FAM222A: variants seen among roughly 807,000 people sequenced by gnomAD.
The protein encoded by FAM222A is protein FAM222A.
A neutral mutation model predicts 25.8 loss-of-function variants in FAM222A; 7 were observed. The ratio of observed to expected loss-of-function variants is 0.27; its 90% CI spans 0.15 to 0.51. The LOEUF (loss-of-function observed/expected upper bound fraction) is 0.51, where lower values mean the gene tolerates loss of function less well. FAM222A is among the 20% of genes least tolerant of loss of function. FAM222A has a pLI of 0.97. For synonymous variants in FAM222A, 294 were observed against 298.8 expected (o/e 0.98, Z 0.17); for missense variants, 573 against 640.5 (o/e 0.89, Z 1.14).
intron 2 of FAM222A, chr12:109,744,570 G>A (rs1888340410): frequency 1.0e-6 from 1 of 985,280 alleles, no homozygotes; most frequent in Non-Finnish European, 1.2e-6. Flanking sequence ...AAAGTAGGAT[G>A]ACGTGGAAGC....
chr12:109,759,767 C>G (rs1888838562), intron 2 of FAM222A, among the ~76,000 whole-genome samples: 1 of 152,190 alleles, frequency 6.6e-6, no homozygotes, highest in Non-Finnish European at 1.5e-5. Context: ...GCGGCTGCCC[C>G]TGCAACCTCT....
At chr12:109,767,776 T>G (rs960305714) in intron 2 of FAM222A, among the ~76,000 whole-genome samples, 1 of 152,184 alleles carries the variant, frequency 6.6e-6, no homozygotes, top group African/African-American at 2.4e-5. Flanking sequence ...ATTAGCAATG[T>G]CCTGTCTCCT....
At chr12:109,763,153 C>A (rs1430374079) in intron 2 of FAM222A, among the ~76,000 whole-genome samples, 1 of 152,156 alleles carries the variant, frequency 6.6e-6, no homozygotes. Flanking sequence ...CTCATGAAGC[C>A]CCTGGCTTTG....
At chr12:109,726,532 TG>T (rs1887845920) in intron 1 of FAM222A, among the ~76,000 whole-genome samples, 1 of 152,178 alleles carries the variant, frequency 6.6e-6, no homozygotes, top group Admixed American at 6.5e-5. Context: ...CGGGCAGCCA[TG>T]GGGCTGAAAG....
chr12:109,741,105 G>A (rs944823663), intron 1 of FAM222A, among the ~76,000 whole-genome samples: 14 of 152,194 alleles, frequency 9.2e-5, no homozygotes, highest in East Asian at 3.8e-4. Context: ...GGATTTGACC[G>A]TCTTGGTTGC....
chr12:109,719,798 C>T (rs1592776190), intron 1 of FAM222A, among the ~76,000 whole-genome samples: 1 of 152,004 alleles, frequency 6.6e-6, no homozygotes, highest in East Asian at 1.9e-4. Context: ...GGGTGCTGAG[C>T]TAAGGGTGCT....
At chr12:109,740,383 T>C (rs987436902) in intron 1 of FAM222A, among the ~76,000 whole-genome samples, 52 of 152,274 alleles carry the variant, frequency 3.4e-4, no homozygotes, top group Non-Finnish European at 5.0e-4. Context: ...TGCCCCCCCT[T>C]TTTTTATTAA....
chr12:109,724,676 C>G (rs1271320297), intron 1 of FAM222A, among the ~76,000 whole-genome samples: 2 of 152,208 alleles, frequency 1.3e-5, no homozygotes, highest in African/African-American at 4.8e-5. Flanking sequence ...GGTCCTCCCT[C>G]TCTGTGCCTC....
chr12:109,751,027 G>C (rs1421516535), intron 2 of FAM222A, among the ~76,000 whole-genome samples: 1 of 152,104 alleles, frequency 6.6e-6, no homozygotes, highest in African/African-American at 2.4e-5. Flanking sequence ...CAGATCCGAG[G>C]CTTGTATTTT....
intron 1 of FAM222A, among the ~76,000 whole-genome samples, chr12:109,718,629 C>T (rs1887692079): frequency 6.6e-6 from 1 of 152,236 alleles, no homozygotes; most frequent in Non-Finnish European, 1.5e-5. Flanking sequence ...GTGTCAAGAG[C>T]TATTGGGCGC....
chr12:109,720,161 A>G (rs1887721511), intron 1 of FAM222A: 1 of 985,460 alleles, frequency 1.0e-6, no homozygotes, highest in African/African-American at 1.7e-5. Flanking sequence ...ACAGCAAGCC[A>G]GCATCCCAGC....
rs76932829 is a variant in FAM222A at position 109,745,778 on chromosome 12, T to A, written c.82+1550T>A. ...GCCTCTGCTTCCTGATCAGCTGGGATTACAGGTGTGAGCCACTGCACCTGG... is the reference window on the plus strand; with the variant it reads ...GCCTCTGCTTCCTGATCAGCTGGGAATACAGGTGTGAGCCACTGCACCTGG... On this transcript the variant is annotated intron_variant, in intron 2 of 2. Coordinates refer to ENST00000538780, the MANE Select transcript of FAM222A (RefSeq NM_032829.3). Among the ~76,000 whole-genome samples the A allele has an allele frequency of 0.023, 3,442 of 152,356 alleles. 272 individuals are homozygous for A. The East Asian group carries it at 0.31, about 14-fold the overall frequency.
At chr12:109,716,867 C>T (rs879831044) in intron 1 of FAM222A, among the ~76,000 whole-genome samples, 3 of 152,240 alleles carry the variant, frequency 2.0e-5, no homozygotes, top group African/African-American at 2.4e-5. Flanking sequence ...TCCCTATATG[C>T]CAGGCGTTTT....
At chr12:109,754,296 A>G (rs557733697) in intron 2 of FAM222A, among the ~76,000 whole-genome samples, 26 of 152,310 alleles carry the variant, frequency 1.7e-4, no homozygotes, top group African/African-American at 6.0e-4. Flanking sequence ...CCAAGAGCCC[A>G]GTTGCAGTAG....
intron 1 of FAM222A, among the ~76,000 whole-genome samples, chr12:109,720,951 C>T (rs1045075251): frequency 3.9e-5 from 6 of 152,202 alleles, no homozygotes; most frequent in African/African-American, 7.2e-5. Context: ...GAAACAATTA[C>T]TTCTGGCTGG....
At chr12:109,763,885 C>T (rs576447708) in intron 2 of FAM222A, among the ~76,000 whole-genome samples, 1 of 152,224 alleles carries the variant, frequency 6.6e-6, no homozygotes, top group South Asian at 2.1e-4. Flanking sequence ...GACCATCTCC[C>T]ACCTCTAGGT....
chr12:109,747,242 C>T (rs1468153596), intron 2 of FAM222A, among the ~76,000 whole-genome samples: 3 of 152,254 alleles, frequency 2.0e-5, no homozygotes, highest in Admixed American at 6.5e-5. Context: ...TATAGGCACG[C>T]GCTACCACAC....
chr12:109,744,941 G>A (rs1203140548), intron 2 of FAM222A: 2 of 255,810 alleles, frequency 7.8e-6, no homozygotes, highest in East Asian at 1.8e-4. Flanking sequence ...AGGTCACCGC[G>A]GTCCCCACCC....
At chr12:109,745,133 C>G (rs974556000) in intron 2 of FAM222A, among the ~76,000 whole-genome samples, 1 of 152,222 alleles carries the variant, frequency 6.6e-6, no homozygotes, top group Non-Finnish European at 1.5e-5. Context: ...GCCAGCCACC[C>G]GCTTCCCTCG....
Sources: gnomAD v4.1 joint callset for allele counts (sites outside exome capture counted in the v4.1 genomes callset) on GRCh38, gnomAD v4.1.1 for gene constraint, MANE v1.5 for transcripts, NCBI Gene and HGNC (gene_info 2026-07-23, HGNC 2026-07-21) for gene names.